Variants in CCM2L observed in about 807,000 individuals in gnomAD.
The protein encoded by CCM2L is cerebral cavernous malformations 2 protein-like.
In CCM2L, 36 loss-of-function variants were observed where a neutral mutation model predicts 54.1. The ratio of observed to expected loss-of-function variants is 0.67; its 90% CI spans 0.51 to 0.88. The LOEUF (loss-of-function observed/expected upper bound fraction) is 0.88. CCM2L is among the 40% of genes least tolerant of loss of function. The pLI, the probability that CCM2L is intolerant of heterozygous loss-of-function variation, is 0.00. For missense variants in CCM2L, 700 were observed against 812.1 expected (o/e 0.86, Z 1.68); for synonymous variants, 351 against 359.3 (o/e 0.98, Z 0.26).
At chr20:32,016,608 C>T (rs1050321902) in intron 2 of CCM2L, among the ~76,000 whole-genome samples, 4 of 151,494 alleles carry the variant, frequency 2.6e-5, no homozygotes, top group African/African-American at 9.7e-5. Context: ...GTGAGCCGAG[C>T]TCACACTGCT....
In CCM2L at chr20:32,023,902, T is replaced by C. The variant is rs567014781; in HGVS notation, c.1069+1107T>C. Among the ~76,000 whole-genome samples the C allele has an allele frequency of 2.1e-3, 323 of 152,340 alleles. 1 individual carries two copies. Among genetic ancestry groups the C allele is most frequent in the African/African-American group, 7.2e-3 (301 of 41,574 alleles). ...TGCGCCACTACGCCCAGCTAATTTT[T>C]GTATTTTTAGTAGAGACGGGGTTTC... is the stretch of plus-strand genomic sequence containing the variant. On this transcript the variant is annotated intron_variant, in intron 6 of 9. Transcript: ENST00000452892.
At chr20:32,015,777 T>C (rs767561634) in intron 2 of CCM2L, among the ~76,000 whole-genome samples, 1 of 152,250 alleles carries the variant, frequency 6.6e-6, no homozygotes, top group East Asian at 1.9e-4. Context: ...GAGATTTTAC[T>C]GCAGTGACCT....
chr20:32,029,595 G>A, intron 8 of CCM2L, 105 bp from the exon 9 acceptor site: 2 of 1,410,224 alleles, frequency 1.4e-6, no homozygotes, highest in Non-Finnish European at 1.9e-6. Flanking sequence ...GTTTTCAGAG[G>A]AGAGCTGGAC....
At chr20:32,010,550 T>C in intron 1 of CCM2L, 66 bp downstream of exon 1, 1 of 64,754 alleles carries the variant, frequency 1.5e-5, no homozygotes, top group Admixed American at 2.2e-4. Context: ...GGGGGCAAAC[T>C]GGGGCGGGGT....
Position 32,014,056 on chromosome 20 carries a change from C to T in CCM2L, c.31-848C>T, listed in dbSNP as rs988143638. On this transcript the variant is annotated intron_variant, in intron 1 of 9. Coordinates refer to ENST00000452892, the MANE Select transcript of CCM2L (RefSeq NM_001365692.1). ...TGAGCCCCAGAATTTACACCTTTAA[C>T]CTTGATCCAGGCCATTTTTATGCAG... is the stretch of plus-strand genomic sequence containing the variant. 2.9e-4 allele frequency among the ~76,000 whole-genome samples: 44 copies of T among 152,192 alleles called. No individual in the cohort carries two copies. The South Asian group carries it at 3.5e-3, about 12-fold the overall frequency.
intron 2 of CCM2L, among the ~76,000 whole-genome samples, chr20:32,015,859 C>CTTCTTT (rs1462683927): frequency 5.5e-5 from 7 of 127,882 alleles, no homozygotes; most frequent in African/African-American, 2.2e-4. Flanking sequence ...AGCTGTACTT[C>CTTCTTT]TTTTTTTTTT....
intron 6 of CCM2L, among the ~76,000 whole-genome samples, chr20:32,025,542 C>T (rs1182294570): frequency 1.3e-5 from 2 of 152,232 alleles, no homozygotes; most frequent in East Asian, 1.9e-4. Flanking sequence ...GCTGGGATTA[C>T]AGGCGTGAGC....
chr20:32,020,651 CTCTT>C (rs947537964), intron 5 of CCM2L, among the ~76,000 whole-genome samples: 4 of 152,220 alleles, frequency 2.6e-5, no homozygotes, highest in Admixed American at 6.5e-5. Flanking sequence ...CTCACGCTCT[CTCTT>C]TCTCACACAC....
intron 5 of CCM2L, 39 bp downstream of exon 5, chr20:32,019,448 G>T (rs761656143): frequency 7.8e-6 from 11 of 1,411,384 alleles, no homozygotes; most frequent in African/African-American, 1.5e-5. Context: ...GCCCGGCTTC[G>T]GGAACGCTGC....
intron 4 of CCM2L, 97 bp from the exon 5 acceptor site, chr20:32,018,846 C>T (rs2064767335): frequency 8.3e-7 from 1 of 1,204,362 alleles, no homozygotes; most frequent in Non-Finnish European, 1.0e-6. Flanking sequence ...CGGTGGAACC[C>T]CAGAGCCGCG....
At chr20:32,030,625 G>T (rs2064912426) in intron 9 of CCM2L, among the ~76,000 whole-genome samples, 1 of 151,902 alleles carries the variant, frequency 6.6e-6, no homozygotes. Flanking sequence ...ATCACCTGAG[G>T]TCAGGAGTTC....
chr20:32,031,081 A>G lies in CCM2L; in HGVS notation c.1483A>G (p.Ile495Val). 2.3e-6 allele frequency: 3 copies of G among 1,304,260 alleles called. No homozygotes were observed. Among genetic ancestry groups the G allele is most frequent in the Non-Finnish European group, 3.0e-6 (3 of 988,934 alleles). The allele number at this position is 1,304,260 out of a possible 1,614,324, so 80.8% of individuals were successfully genotyped here. A position where few individuals can be genotyped will look rare whatever the true frequency, so the allele number is the denominator to read the frequency against. Residue 495 changes from isoleucine to valine, a missense_variant, in exon 10 of 10, where the codon ATC becomes GTC. Ile to Val is a conservative substitution (Grantham distance 29). Coordinates refer to ENST00000452892, the MANE Select transcript of CCM2L (RefSeq NM_001365692.1). ...GGGCGTGGGCATCCGCGAGGGCGGCATCCTCACTGACAGCTTCGGCCGCAT... is the reference window on the plus strand; with the variant it reads ...GGGCGTGGGCATCCGCGAGGGCGGCGTCCTCACTGACAGCTTCGGCCGCAT... Reference protein sequence around the residue: ...LEGVGIREGGILTDSFGRIKR... With the variant: ...LEGVGIREGGVLTDSFGRIKR...
intron 6 of CCM2L, among the ~76,000 whole-genome samples, chr20:32,024,112 G>A (rs2064832254): frequency 6.6e-6 from 1 of 152,196 alleles, no homozygotes; most frequent in Admixed American, 6.5e-5. Context: ...CTGGTAAGTG[G>A]CAGAGTCAGG....
Position 32,019,395 on chromosome 20 carries a change from G to A in CCM2L, c.919G>A (p.Ala307Thr). 6.5e-7 allele frequency: 1 copy of A among 1,530,414 alleles called. No homozygotes were observed. Among genetic ancestry groups the A allele is most frequent in the Non-Finnish European group, 8.7e-7 (1 of 1,147,160 alleles). 94.8% of individuals were successfully genotyped at this position (1,530,414 alleles called of 1,614,324 possible). A position where few individuals can be genotyped will look rare whatever the true frequency, so the allele number is the denominator to read the frequency against. The change falls in exon 5 of 10, where the codon GCT (alanine) becomes ACT (threonine). Residue 307 changes from alanine (A) to threonine (T), a missense_variant. By Grantham distance (58) the Ala-to-Thr change is moderately conservative. Coordinates refer to ENST00000452892, the MANE Select transcript of CCM2L (RefSeq NM_001365692.1). ...PDAYCNLVIL[A>T]VANRDAAEES... ...CGCCTACTGCAACCTGGTCATCCTG[G>A]CTGTAGCCAACAGGGTGAGCCCGAG...
chr20:32,022,574 G>A lies in CCM2L; in HGVS notation c.934-86G>A, dbSNP rs370853368. The A allele has an allele frequency of 1.3e-5, 20 of 1,484,720 alleles. 1 individual carries two copies. Among genetic ancestry groups the A allele is most frequent in the Non-Finnish European group, 1.8e-5 (20 of 1,090,180 alleles). The allele number at this position is 1,484,720 out of a possible 1,614,324, so 92.0% of individuals were successfully genotyped here. A position where few individuals can be genotyped will look rare whatever the true frequency, so the allele number is the denominator to read the frequency against. On this transcript the variant is annotated intron_variant, in intron 5 of 9. Transcript: ENST00000452892. The stretch of plus-strand genomic sequence containing the variant: ...GCTCTATAGGTGTGTATCTTTGTGC[G>A]CATCTTCACACACTGTTTTAGGAAG...
At chr20:32,014,607 C>T (rs1316660906) in intron 1 of CCM2L, among the ~76,000 whole-genome samples, 1 of 152,170 alleles carries the variant, frequency 6.6e-6, no homozygotes, top group African/African-American at 2.4e-5. Flanking sequence ...AGCCTAGACT[C>T]ATTCCTCAAA....
chr20:32,022,385 T>C (rs1277196179), intron 5 of CCM2L, among the ~76,000 whole-genome samples: 1 of 152,170 alleles, frequency 6.6e-6, no homozygotes, highest in Non-Finnish European at 1.5e-5. Flanking sequence ...TTAGGACTTA[T>C]CTTAGAAGGG....
In CCM2L at chr20:32,031,271, G is replaced by T; in HGVS notation, c.1673G>T (p.Gly558Val). 1.5e-6 allele frequency: 2 copies of T among 1,294,678 alleles called. No homozygotes were observed. The highest frequency in any genetic ancestry group is 2.0e-6 in the Non-Finnish European group (2 of 988,018). 80.2% of individuals were successfully genotyped at this position (1,294,678 alleles called of 1,614,324 possible). ...GACGACGACGAGGATGAGCCCCGGG[G>T]CTCCAGGGGCGGGAGCGACGCCGCA... ...DDDDDEDEPR[G>V]SRGGSDAAED... The change falls in exon 10 of 10, where the codon GGC becomes GTC. Residue 558 changes from glycine (G) to valine (V), a missense_variant. Coordinates refer to ENST00000452892, the MANE Select transcript of CCM2L (RefSeq NM_001365692.1).
In CCM2L at chr20:32,015,009, C is replaced by A. The variant is rs376303876; in HGVS notation, c.136C>A (p.Pro46Thr). The change falls in exon 2 of 10, where the codon CCC becomes ACC. Residue 46 changes from proline to threonine, a missense_variant. Pro to Thr is a conservative substitution (Grantham distance 38). Transcript: ENST00000452892. ...GCCCCTGCACTCGATGCCCCTTTATCCCCCCGACTACCTCATCGACCCCCA... is the reference window on the plus strand; with the variant it reads ...GCCCCTGCACTCGATGCCCCTTTATACCCCCGACTACCTCATCGACCCCCA... ...RRPLHSMPLY[P>T]PDYLIDPQIL... 6.4e-7 allele frequency: 1 copy of A among 1,574,796 alleles called. No individual in the cohort carries two copies. The highest frequency in any genetic ancestry group is 1.4e-5 in the African/African-American group (1 of 72,126).
Sources: allele counts gnomAD v4.1 joint callset (sites outside exome capture counted in the v4.1 genomes callset), GRCh38; gene constraint gnomAD v4.1.1; transcripts MANE v1.5; gene names NCBI Gene and HGNC (gene_info 2026-07-23, HGNC 2026-07-21).